Variants in TRPC5 observed in about 807,000 individuals in gnomAD.
TRPC5 encodes transient receptor potential cation channel subfamily C member 5, also known as short transient receptor potential channel 5.
Under a neutral mutation model 56.5 loss-of-function variants are expected in TRPC5, and 9 were observed. That is an observed-to-expected ratio of 0.16 (90% CI 0.10 to 0.28). The LOEUF (loss-of-function observed/expected upper bound fraction) is 0.28. Ranked by LOEUF, TRPC5 falls within the 10% of genes least tolerant of loss-of-function variation. The pLI is 1.00. For missense variants in TRPC5, 469 were observed against 748.9 expected (o/e 0.63, Z 4.36); for synonymous variants, 282 against 278.5 (o/e 1.01, Z -0.13).
chrX:112,068,449 G>T (rs1017007241), intron 1 of TRPC5, among the ~76,000 whole-genome samples: 3 of 112,478 alleles, frequency 2.7e-5, no homozygotes, highest in African/African-American at 9.7e-5. Flanking sequence ...ATACACCAAG[G>T]TTGGGTGATT....
chrX:111,887,793 T>C (rs754753287), intron 3 of TRPC5, among the ~76,000 whole-genome samples: 1 of 112,222 alleles, frequency 8.9e-6, no homozygotes, highest in East Asian at 2.8e-4. Flanking sequence ...CTGAATATCT[T>C]CTATGTGCTA....
At chrX:112,058,495 G>A (rs1012117799) in intron 1 of TRPC5, among the ~76,000 whole-genome samples, 4 of 103,385 alleles carry the variant, frequency 3.9e-5, no homozygotes, top group Non-Finnish European at 7.7e-5. Flanking sequence ...CCAAGAAATA[G>A]CAGAGGAAAG....
intron 1 of TRPC5, among the ~76,000 whole-genome samples, chrX:112,027,777 T>A (rs1201850786): frequency 8.9e-6 from 1 of 112,040 alleles, no homozygotes; most frequent in African/African-American, 3.2e-5. Flanking sequence ...ATTACAGGCG[T>A]GAGCCACCGC....
chrX:111,856,474 G>C (rs1923232455), intron 3 of TRPC5, among the ~76,000 whole-genome samples: 1 of 107,373 alleles, frequency 9.3e-6, no homozygotes, highest in African/African-American at 3.4e-5. Flanking sequence ...AGGAGGCAGA[G>C]GCTGCAGTGA....
chrX:111,862,706 T>C (rs925964940), intron 3 of TRPC5, among the ~76,000 whole-genome samples: 3 of 112,281 alleles, frequency 2.7e-5, no homozygotes, highest in African/African-American at 9.7e-5. Flanking sequence ...TATTTCCCCA[T>C]TATATTGTTT....
intron 2 of TRPC5, among the ~76,000 whole-genome samples, chrX:111,938,714 A>C (rs1319626452): frequency 1.8e-5 from 2 of 111,785 alleles, no homozygotes; most frequent in African/African-American, 6.5e-5. Context: ...ATCATGGTGG[A>C]TAAGCTTTTT....
At chrX:112,081,271 G>A (rs776294373) in intron 1 of TRPC5, among the ~76,000 whole-genome samples, 5 of 111,936 alleles carry the variant, frequency 4.5e-5, no homozygotes, top group East Asian at 5.7e-4. Flanking sequence ...GAGGGAGGGA[G>A]GTGTCCACTT....
chrX:111,885,722 A>C (rs903619995), intron 3 of TRPC5, among the ~76,000 whole-genome samples: 2 of 111,320 alleles, frequency 1.8e-5, no homozygotes, highest in Admixed American at 1.9e-4. Flanking sequence ...ACCTTCTGCA[A>C]TGCCATACAA....
At position 111,820,533 on chromosome X, in the gene TRPC5, A is replaced by T. The variant is rs1921999847; in HGVS notation, c.1896+14388T>A. On this transcript the variant is annotated intron_variant, in intron 7 of 10. Coordinates refer to ENST00000262839, the MANE Select transcript of TRPC5 (RefSeq NM_012471.3). ...TGAAATTATACAAATTTCAAATTTCAGTGTCAATAAGTAAATTTTTATTGG... is the reference window on the plus strand; with the variant it reads ...TGAAATTATACAAATTTCAAATTTCTGTGTCAATAAGTAAATTTTTATTGG... Among the ~76,000 whole-genome samples, 3 of 112,256 alleles carry T rather than the reference A, an allele frequency of 2.7e-5. No homozygotes were observed. In the Admixed American group the frequency reaches 2.8e-4, roughly 11 times the overall value.
At chrX:112,056,480 C>G (rs971998710) in intron 1 of TRPC5, among the ~76,000 whole-genome samples, 2 of 112,363 alleles carry the variant, frequency 1.8e-5, no homozygotes, top group African/African-American at 6.5e-5. Context: ...TATTTAGAAC[C>G]AATTATCCAG....
intron 1 of TRPC5, among the ~76,000 whole-genome samples, chrX:112,072,932 T>C (rs960132485): frequency 5.3e-5 from 6 of 112,417 alleles, no homozygotes; most frequent in Non-Finnish European, 1.1e-4. Context: ...AGGGCTAAAA[T>C]ACTTATGAAG....
intron 3 of TRPC5, among the ~76,000 whole-genome samples, chrX:111,860,172 T>C (rs1197005280): frequency 2.7e-5 from 3 of 112,753 alleles, no homozygotes; most frequent in African/African-American, 6.4e-5. Flanking sequence ...CCTCCCAAAG[T>C]GCTGGGATTA....
At chrX:111,829,460 T>C (rs373642044) in intron 7 of TRPC5, among the ~76,000 whole-genome samples, 2 of 111,196 alleles carry the variant, frequency 1.8e-5, no homozygotes, top group Non-Finnish European at 1.9e-5. Flanking sequence ...ATGGGGAAAA[T>C]GTCTCCAGGG....
rs764783995 is a variant in TRPC5, at chrX:111,829,281, G to A, written c.1896+5640C>T. Among the ~76,000 whole-genome samples, 106 of 85,040 alleles carry A rather than the reference G, an allele frequency of 1.2e-3. 1 individual carries two copies. The highest frequency in any genetic ancestry group is 4.8e-3 in the African/African-American group (102 of 21,239). The allele number at this position is 85,040 out of a possible 115,157, so 73.8% of individuals were successfully genotyped here. ...CACACCACTGCACTCCGGCCCGGGCGACAGTATGAGACTCTGTCTCAAAAA... is the reference window on the plus strand; with the variant it reads ...CACACCACTGCACTCCGGCCCGGGCAACAGTATGAGACTCTGTCTCAAAAA... On this transcript the variant is annotated intron_variant, in intron 7 of 10. Coordinates refer to ENST00000262839, the MANE Select transcript of TRPC5 (RefSeq NM_012471.3).
chrX:111,932,460 A>G (rs114201993), intron 2 of TRPC5, among the ~76,000 whole-genome samples: 4,568 of 106,572 alleles, frequency 0.043, 233 homozygotes, highest in African/African-American at 0.15. Flanking sequence ...AGTGTCATCT[A>G]AGGAAGAAGA....
intron 1 of TRPC5, among the ~76,000 whole-genome samples, chrX:111,972,591 G>A (rs142662045): frequency 0.017 from 1,938 of 112,288 alleles, 18 homozygotes; most frequent in Middle Eastern, 0.032. Context: ...CTTGGTGCGT[G>A]GGTCTAACAG....
At chrX:112,054,015 T>A (rs994453844) in intron 1 of TRPC5, among the ~76,000 whole-genome samples, 2 of 112,508 alleles carry the variant, frequency 1.8e-5, no homozygotes, top group African/African-American at 6.5e-5. Context: ...GGTAATACTT[T>A]ATGAGTCAGT....
At chrX:111,913,710 C>G (rs1469362040) in intron 2 of TRPC5, among the ~76,000 whole-genome samples, 1 of 111,526 alleles carries the variant, frequency 9.0e-6, no homozygotes, top group Non-Finnish European at 1.9e-5. Flanking sequence ...CCTGTAATCC[C>G]AGCACTTTGG....
intron 1 of TRPC5, among the ~76,000 whole-genome samples, chrX:112,077,371 T>C (rs1930859062): frequency 8.9e-6 from 1 of 112,552 alleles, no homozygotes; most frequent in Admixed American, 9.4e-5. Context: ...GCCACATGAA[T>C]TGTCCCTACA....
Sources: gnomAD v4.1 joint callset for allele counts (sites outside exome capture counted in the v4.1 genomes callset) on GRCh38, gnomAD v4.1.1 for gene constraint, MANE v1.5 for transcripts, NCBI Gene and HGNC (gene_info 2026-07-23, HGNC 2026-07-21) for gene names.